BMPR1A: variants seen among roughly 807,000 people sequenced by gnomAD.
BMPR1A encodes bone morphogenetic protein receptor type 1A, also known as bone morphogenetic protein receptor type-1A.
BMPR1A carries 7 observed loss-of-function variants against 66.0 expected under a neutral mutation model. The ratio of observed to expected loss-of-function variants is 0.11; its 90% CI spans 0.06 to 0.20. BMPR1A has a LOEUF of 0.20. BMPR1A is among the 10% of genes least tolerant of loss of function. BMPR1A has a pLI of 1.00. For missense variants in BMPR1A, 408 were observed against 669.1 expected, an observed-to-expected ratio of 0.61 and a Z score of 4.31; for synonymous variants, 200 against 229.7, an observed-to-expected ratio of 0.87 and a Z score of 1.17.
rs1057521072 is a variant in BMPR1A, at chr10:86,899,783, T to C, written c.334-11T>C. ...AAACCATTTCTAATTTTATCATTAC[T>C]CTTCTTTTAGGATTCTCCAAAAGCC... On this transcript the variant is annotated splice_polypyrimidine_tract_variant and intron_variant, in intron 5 of 12. Coordinates refer to ENST00000372037, the MANE Select transcript of BMPR1A (RefSeq NM_004329.3). 1.9e-6 allele frequency: 3 copies of C among 1,606,870 alleles called. No individual in the cohort carries two copies.
chr10:86,913,710 C>T (rs1490674091), intron 8 of BMPR1A, among the ~76,000 whole-genome samples: 1 of 151,936 alleles, frequency 6.6e-6, no homozygotes, highest in African/African-American at 2.4e-5. Context: ...TTAGAATAAG[C>T]CTAACAATTT....
chr10:86,931,311 A>G (rs1843808919), downstream of BMPR1A: 1 of 129,704 alleles, frequency 7.7e-6, no homozygotes, highest in Non-Finnish European at 1.6e-5. Flanking sequence ...ATATATATAT[A>G]TATTCAAGCA....
intron 1 of BMPR1A, among the ~76,000 whole-genome samples, chr10:86,798,301 AACTAAT>A (rs1309150327): frequency 9.8e-5 from 15 of 152,306 alleles, no homozygotes; most frequent in East Asian, 3.9e-4. Flanking sequence ...ATACTTAAAA[AACTAAT>A]ACTAAGTTTT....
intron 1 of BMPR1A, among the ~76,000 whole-genome samples, chr10:86,786,111 C>T (rs1841511502): frequency 6.6e-6 from 1 of 152,180 alleles, no homozygotes; most frequent in African/African-American, 2.4e-5. Context: ...TGTATTCTCA[C>T]ATCCCTCAAT....
At chr10:86,929,736 C>T (rs1428602300), downstream of BMPR1A, 1 of 152,224 alleles carries the variant, frequency 6.6e-6, no homozygotes, top group Non-Finnish European at 1.5e-5. Context: ...TCTGTGGAAA[C>T]ACTGAATAAA....
chr10:86,817,986 A>G (rs982740510), intron 1 of BMPR1A, among the ~76,000 whole-genome samples: 6 of 152,176 alleles, frequency 3.9e-5, no homozygotes, highest in Admixed American at 2.6e-4. Context: ...TTCCTCTAAT[A>G]TTTTAAGAAG....
chr10:86,839,018 C>G (rs1459540838), intron 2 of BMPR1A, 39 bp downstream of exon 2: 3 of 152,102 alleles, frequency 2.0e-5, no homozygotes, highest in African/African-American at 7.2e-5. Flanking sequence ...TATGAAATTT[C>G]TCATTTTTTA....
intron 3 of BMPR1A, chr10:86,889,803 G>A (rs756776939): frequency 4.1e-5 from 19 of 461,224 alleles, no homozygotes; most frequent in Admixed American, 1.9e-4. Context: ...TCTGCCTTGC[G>A]CCACTCTTGT....
At chr10:86,779,361 G>T (rs903926430) in intron 1 of BMPR1A, among the ~76,000 whole-genome samples, 2 of 152,184 alleles carry the variant, frequency 1.3e-5, no homozygotes, top group Non-Finnish European at 2.9e-5. Flanking sequence ...CCAATAAAGT[G>T]TAAGTGTTCC....
At position 86,923,418 on chromosome 10, in the gene BMPR1A, C is replaced by T. The variant is rs1418504897; in HGVS notation, c.1385C>T (p.Pro462Leu). The part of the protein sequence containing the change: ...EYQLPYYNMV[P>L]SDPSYEDMRE... ...CAATTGCCATATTACAACATGGTAC[C>T]GAGTGATCCGTCATACGAAGATATG... The change falls in exon 12 of 13, where the codon CCG becomes CTG. Residue 462 changes from proline (P) to leucine (L), a missense_variant. This residue lies in a region of BMPR1A where 130 missense variants were observed against 257.3 expected (regional missense o/e 0.51). Coordinates refer to ENST00000372037, the MANE Select transcript of BMPR1A (RefSeq NM_004329.3). 8 of 1,613,980 alleles carry T rather than the reference C, an allele frequency of 5.0e-6. No homozygotes were observed. The highest frequency in any genetic ancestry group is 2.7e-5 in the African/African-American group (2 of 74,902).
chr10:86,821,435 G>A (rs778548704), intron 1 of BMPR1A, among the ~76,000 whole-genome samples: 25 of 152,160 alleles, frequency 1.6e-4, no homozygotes, highest in Non-Finnish European at 2.2e-4. Context: ...GTCATTAAGC[G>A]TGTTGTAAGA....
intron 2 of BMPR1A, among the ~76,000 whole-genome samples, chr10:86,874,200 T>A (rs912070591): frequency 6.6e-6 from 1 of 152,154 alleles, no homozygotes; most frequent in Non-Finnish European, 1.5e-5. Flanking sequence ...ATTAGCCTTT[T>A]CCCCCGTTAT....
chr10:86,792,550 C>A (rs1841642628), intron 1 of BMPR1A, among the ~76,000 whole-genome samples: 1 of 152,152 alleles, frequency 6.6e-6, no homozygotes, highest in African/African-American at 2.4e-5. Context: ...AATCCCATCA[C>A]TTTGGGAGGC....
chr10:86,892,248 C>A lies in BMPR1A; in HGVS notation c.333+19C>A, dbSNP rs745431046. 1.3e-6 allele frequency: 2 copies of A among 1,594,340 alleles called. No individual in the cohort carries two copies. Among genetic ancestry groups the A allele is most frequent in the South Asian group, 2.2e-5 (2 of 90,576 alleles). On this transcript the variant is annotated intron_variant, in intron 5 of 12. Coordinates refer to ENST00000372037, the MANE Select transcript of BMPR1A (RefSeq NM_004329.3). ...GTGCAAAGTAAGATATAATTTGGGA[C>A]CCATGAGACAAAGAAGGGAGGGGCC...
chr10:86,757,289 A>T (rs1341136214), intron 1 of BMPR1A, among the ~76,000 whole-genome samples: 1 of 152,018 alleles, frequency 6.6e-6, no homozygotes, highest in East Asian at 1.9e-4. Context: ...TTGGCTCCGG[A>T]CGCTGTGGGG....
At chr10:86,841,479 A>G (rs1285039516) in intron 2 of BMPR1A, among the ~76,000 whole-genome samples, 1 of 152,226 alleles carries the variant, frequency 6.6e-6, no homozygotes, top group Non-Finnish European at 1.5e-5. Flanking sequence ...TTATGAGAGG[A>G]GAGAATTGTC....
At chr10:86,765,122 G>A (rs974721905) in intron 1 of BMPR1A, among the ~76,000 whole-genome samples, 20 of 151,982 alleles carry the variant, frequency 1.3e-4, no homozygotes, top group Non-Finnish European at 7.4e-5. Context: ...AAAATTACAC[G>A]TCATATTGGA....
intron 2 of BMPR1A, among the ~76,000 whole-genome samples, chr10:86,858,702 T>C (rs1026549431): frequency 6.6e-6 from 1 of 151,926 alleles, no homozygotes; most frequent in African/African-American, 2.4e-5. Context: ...TACCAAAAAA[T>C]GAAATACATT....
At chr10:86,885,241 A>C (rs1178270620) in intron 3 of BMPR1A, among the ~76,000 whole-genome samples, 1 of 152,240 alleles carries the variant, frequency 6.6e-6, no homozygotes, top group Non-Finnish European at 1.5e-5. Flanking sequence ...AGAAAAATCA[A>C]GGGAATATTT....
Sources: gnomAD v4.1 joint callset for allele counts (sites outside exome capture counted in the v4.1 genomes callset) on GRCh38, gnomAD v4.1.1 for gene constraint, gnomAD v4.1.1 regional missense constraint, MANE v1.5 for transcripts, NCBI Gene and HGNC (gene_info 2026-07-23, HGNC 2026-07-21) for gene names.